CDK19: variants seen among roughly 807,000 people sequenced by gnomAD.
The protein encoded by CDK19 is cyclin-dependent kinase 19.
In CDK19, 20 loss-of-function variants were observed where a neutral mutation model predicts 68.3. The observed-to-expected ratio is 0.29, with a 90% CI of 0.21 to 0.43. The LOEUF is 0.43. CDK19 is among the 20% of genes least tolerant of loss of function. The pLI, the probability that CDK19 is intolerant of heterozygous loss-of-function variation, is 1.00. For synonymous variants in CDK19, 221 were observed against 222.8 expected (o/e 0.99, Z 0.07); for missense variants, 339 against 623.5 (o/e 0.54, Z 4.86).
At position 110,759,536 on chromosome 6, in the gene CDK19, G is replaced by T. The variant is rs377156438; in HGVS notation, c.129-13335C>A. On this transcript the variant is annotated intron_variant, in intron 1 of 12. Coordinates refer to ENST00000368911, the MANE Select transcript of CDK19 (RefSeq NM_015076.5). ...TAGGATAGCTTGATCCTGGGAGTTC[G>T]AAGTTGCAGTGAGCTATGATCGCAC... 2.0e-5 allele frequency among the ~76,000 whole-genome samples: 3 copies of T among 148,998 alleles called. No homozygotes were observed. The South Asian group carries it at 6.3e-4, about 31-fold the overall frequency.
intron 1 of CDK19, among the ~76,000 whole-genome samples, chr6:110,799,867 C>T (rs564322086): frequency 5.3e-5 from 8 of 152,150 alleles, no homozygotes; most frequent in African/African-American, 1.4e-4. Flanking sequence ...CCTCCCAAAG[C>T]GCTGGAATTA....
At chr6:110,786,864 G>A (rs983981589) in intron 1 of CDK19, among the ~76,000 whole-genome samples, 1 of 152,092 alleles carries the variant, frequency 6.6e-6, no homozygotes, top group Non-Finnish European at 1.5e-5. Flanking sequence ...TGAAAAGACT[G>A]GCAGCTGGTG....
At chr6:110,785,158 A>G (rs1326621907) in intron 1 of CDK19, among the ~76,000 whole-genome samples, 1 of 152,092 alleles carries the variant, frequency 6.6e-6, no homozygotes, top group African/African-American at 2.4e-5. Flanking sequence ...CAATCAGTCA[A>G]TATCCTAGAA....
intron 4 of CDK19, among the ~76,000 whole-genome samples, chr6:110,660,787 T>A (rs1781573999): frequency 6.6e-6 from 1 of 152,164 alleles, no homozygotes; most frequent in Admixed American, 6.5e-5. Flanking sequence ...GCCTGAGGTT[T>A]TTATGGGCAC....
intron 1 of CDK19, among the ~76,000 whole-genome samples, chr6:110,809,485 C>T (rs1782920291): frequency 6.6e-6 from 1 of 152,142 alleles, no homozygotes; most frequent in Non-Finnish European, 1.5e-5. Flanking sequence ...CACGACAGCA[C>T]TCCAGCCTTG....
chr6:110,644,293 A>C (rs80258904), intron 4 of CDK19, among the ~76,000 whole-genome samples: 1 of 148,880 alleles, frequency 6.7e-6, no homozygotes, highest in Non-Finnish European at 1.5e-5. Context: ...CTTCATCTCA[A>C]AAAAAAAAAA....
intron 1 of CDK19, among the ~76,000 whole-genome samples, chr6:110,785,841 G>T (rs983648468): frequency 6.6e-6 from 1 of 152,048 alleles, no homozygotes; most frequent in Non-Finnish European, 1.5e-5. Context: ...TCAGCCAGGC[G>T]TGCTGGCACA....
At chr6:110,623,213 G>C (rs113569796) in intron 9 of CDK19, 77 bp downstream of exon 9, 1 of 1,194,138 alleles carries the variant, frequency 8.4e-7, no homozygotes, top group Non-Finnish European at 1.2e-6. Context: ...TGTTTCTAAA[G>C]AGGAGGAATA....
intron 1 of CDK19, among the ~76,000 whole-genome samples, chr6:110,767,319 T>C (rs1472423906): frequency 6.6e-6 from 1 of 150,962 alleles, no homozygotes; most frequent in East Asian, 2.0e-4. Context: ...GAAGAGTGAC[T>C]ATAGTTAATA....
At chr6:110,776,132 AG>A (rs1449819767) in intron 1 of CDK19, among the ~76,000 whole-genome samples, 1 of 152,204 alleles carries the variant, frequency 6.6e-6, no homozygotes, top group African/African-American at 2.4e-5. Context: ...CTGTTAACTA[AG>A]AACCAGAGAA....
chr6:110,674,335 T>A (rs1771292128), intron 2 of CDK19, among the ~76,000 whole-genome samples: 1 of 152,018 alleles, frequency 6.6e-6, no homozygotes, highest in Non-Finnish European at 1.5e-5. Context: ...ACTGTTCAAG[T>A]GAAAGGAAGA....
chr6:110,615,195 G>T (rs1173757838), intron 12 of CDK19, among the ~76,000 whole-genome samples: 4 of 152,164 alleles, frequency 2.6e-5, no homozygotes. Context: ...GCAAGATTAG[G>T]TGGGGTGCGG....
At chr6:110,645,815 G>C (rs570734919) in intron 4 of CDK19, 10 of 605,010 alleles carry the variant, frequency 1.7e-5, no homozygotes, top group Admixed American at 4.6e-5. Flanking sequence ...GAGACGGAGG[G>C]ATGGCCGCGC....
intron 1 of CDK19, among the ~76,000 whole-genome samples, chr6:110,750,418 A>G (rs969270213): frequency 2.6e-5 from 4 of 152,200 alleles, no homozygotes; most frequent in African/African-American, 9.7e-5. Flanking sequence ...GGAGAAAAGA[A>G]GGGACACCTG....
chr6:110,744,839 G>A (rs1777962131), intron 2 of CDK19, among the ~76,000 whole-genome samples: 2 of 152,154 alleles, frequency 1.3e-5, no homozygotes, highest in Admixed American at 6.5e-5. Context: ...AGACATCCAG[G>A]TCTAGAGATT....
At chr6:110,772,514 T>G (rs1327225259) in intron 1 of CDK19, among the ~76,000 whole-genome samples, 1 of 152,166 alleles carries the variant, frequency 6.6e-6, no homozygotes, top group Non-Finnish European at 1.5e-5. Context: ...TAAACAACTA[T>G]AATTTCCAGA....
chr6:110,721,444 T>A (rs1403411303), intron 2 of CDK19, among the ~76,000 whole-genome samples: 2 of 152,010 alleles, frequency 1.3e-5, no homozygotes, highest in Non-Finnish European at 2.9e-5. Flanking sequence ...GCTTGCAAGA[T>A]TTTCTAAGAT....
intron 5 of CDK19, among the ~76,000 whole-genome samples, chr6:110,636,661 G>T (rs1779796664): frequency 6.6e-6 from 1 of 152,144 alleles, no homozygotes; most frequent in Non-Finnish European, 1.5e-5. Flanking sequence ...TAGAGGCCAG[G>T]TTATAACAAA....
At chr6:110,627,495 T>G (rs578259887) in intron 6 of CDK19, among the ~76,000 whole-genome samples, 19 of 152,134 alleles carry the variant, frequency 1.2e-4, no homozygotes, top group Non-Finnish European at 2.5e-4. Flanking sequence ...TTCTTTAGAT[T>G]TAGGCAAAGG....
Sources: gnomAD v4.1 joint callset for allele counts (sites outside exome capture counted in the v4.1 genomes callset) on GRCh38, gnomAD v4.1.1 for gene constraint, MANE v1.5 for transcripts, NCBI Gene and HGNC (gene_info 2026-07-23, HGNC 2026-07-21) for gene names.